KCNJ3: variants seen among roughly 807,000 people sequenced by gnomAD.
KCNJ3 encodes G protein-activated inward rectifier potassium channel 1.
KCNJ3 carries 4 observed loss-of-function variants against 39.2 expected under a neutral mutation model. The observed-to-expected ratio is 0.10, with a 90% CI of 0.05 to 0.23. The LOEUF (loss-of-function observed/expected upper bound fraction) is 0.23, where lower values mean the gene tolerates loss of function less well. Among genes scored for constraint, KCNJ3 ranks in the 10% least tolerant of loss-of-function variants. The pLI is 1.00. For missense variants in KCNJ3, 276 were observed against 634.9 expected, an observed-to-expected ratio of 0.43 and a Z score of 6.08; for synonymous variants, 230 against 237.4, an observed-to-expected ratio of 0.97 and a Z score of 0.29.
chr2:154,780,956 T>C (rs904552230), intron 2 of KCNJ3, among the ~76,000 whole-genome samples: 1 of 152,182 alleles, frequency 6.6e-6, no homozygotes, highest in Non-Finnish European at 1.5e-5. Context: ...CAGTTGCTAA[T>C]TAGCTGACTA....
intron 2 of KCNJ3, among the ~76,000 whole-genome samples, chr2:154,782,536 A>G (rs1194060444): frequency 4.3e-5 from 3 of 69,832 alleles, no homozygotes; most frequent in Non-Finnish European, 1.0e-4. Context: ...ACACACACAC[A>G]CACATACACG....
At chr2:154,779,657 C>T (rs193224694) in intron 2 of KCNJ3, among the ~76,000 whole-genome samples, 203 of 151,498 alleles carry the variant, frequency 1.3e-3, no homozygotes, top group Non-Finnish European at 2.0e-3. Context: ...GATTCTCCTT[C>T]CTCAGCCTCC....
At chr2:154,804,790 G>A (rs916707974) in intron 2 of KCNJ3, among the ~76,000 whole-genome samples, 2 of 152,134 alleles carry the variant, frequency 1.3e-5, no homozygotes, top group Non-Finnish European at 2.9e-5. Flanking sequence ...CCAAAGCTGA[G>A]TTCCCAACTG....
intron 2 of KCNJ3, among the ~76,000 whole-genome samples, chr2:154,750,996 TATA>T (rs1286770523): frequency 6.6e-6 from 1 of 151,928 alleles, no homozygotes; most frequent in African/African-American, 2.4e-5. Flanking sequence ...TATATTGCTT[TATA>T]ATAATAACTT....
At chr2:154,839,192 C>T (rs375823404) in intron 2 of KCNJ3, among the ~76,000 whole-genome samples, 1 of 152,092 alleles carries the variant, frequency 6.6e-6, no homozygotes, top group African/African-American at 2.4e-5. Flanking sequence ...TGAGAACATG[C>T]GGTGTTTGGT....
chr2:154,816,746 T>C (rs571862972), intron 2 of KCNJ3, among the ~76,000 whole-genome samples: 2 of 152,312 alleles, frequency 1.3e-5, no homozygotes, highest in African/African-American at 4.8e-5. Context: ...TATGTAAGCC[T>C]TAGGAAAAAC....
intron 2 of KCNJ3, among the ~76,000 whole-genome samples, chr2:154,832,258 TAAAA>T (rs901093641): frequency 6.6e-6 from 1 of 151,864 alleles, no homozygotes; most frequent in Admixed American, 6.6e-5. Context: ...TCAATTTAAT[TAAAA>T]AAAAGTATGA....
At chr2:154,814,223 C>T (rs1687045217) in intron 2 of KCNJ3, among the ~76,000 whole-genome samples, 2 of 152,284 alleles carry the variant, frequency 1.3e-5, no homozygotes, top group Middle Eastern at 3.4e-3. Context: ...AAGGTGACAG[C>T]TCTATTCCCA....
intron 2 of KCNJ3, among the ~76,000 whole-genome samples, chr2:154,791,854 C>T (rs2591157): frequency 0.73 from 111,093 of 151,892 alleles, 41,509 homozygotes; most frequent in African/African-American, 0.89. Flanking sequence ...CATTTACTCA[C>T]TCAAGAAAAA....
At chr2:154,708,480 C>A (rs1685050035) in intron 1 of KCNJ3, among the ~76,000 whole-genome samples, 2 of 152,086 alleles carry the variant, frequency 1.3e-5, no homozygotes, top group African/African-American at 4.8e-5. Flanking sequence ...TTTGTTATTA[C>A]ATTTGTTTTA....
chr2:154,716,342 G>T (rs2105156734), intron 2 of KCNJ3, among the ~76,000 whole-genome samples: 1 of 147,282 alleles, frequency 6.8e-6, no homozygotes, highest in African/African-American at 2.5e-5. Context: ...CGCCAGGATG[G>T]TCTTGATCTC....
chr2:154,781,113 G>A (rs1182753827), intron 2 of KCNJ3, among the ~76,000 whole-genome samples: 1 of 152,110 alleles, frequency 6.6e-6, no homozygotes, highest in African/African-American at 2.4e-5. Flanking sequence ...ATGGAAGCAG[G>A]CCAGACTAAA....
intron 2 of KCNJ3, among the ~76,000 whole-genome samples, chr2:154,747,790 CTGT>C (rs1047746247): frequency 1.3e-5 from 2 of 151,978 alleles, no homozygotes; most frequent in African/African-American, 4.8e-5. Flanking sequence ...AGATAAAGGC[CTGT>C]TGTTTGATAG....
intron 2 of KCNJ3, among the ~76,000 whole-genome samples, chr2:154,800,711 T>C (rs1686804608): frequency 6.6e-6 from 1 of 152,226 alleles, no homozygotes; most frequent in South Asian, 2.1e-4. Context: ...TTCATTGATC[T>C]TGACACTTTT....
At chr2:154,724,448 A>G (rs1685315092) in intron 2 of KCNJ3, among the ~76,000 whole-genome samples, 1 of 152,144 alleles carries the variant, frequency 6.6e-6, no homozygotes, top group Admixed American at 6.5e-5. Flanking sequence ...TCAGGTAAAG[A>G]AAGGTATAGA....
intron 2 of KCNJ3, among the ~76,000 whole-genome samples, chr2:154,845,780 G>T (rs577773826): frequency 4.6e-4 from 70 of 152,188 alleles, no homozygotes; most frequent in African/African-American, 1.7e-3. Context: ...AGACCAGCCT[G>T]GTCAATATGG....
chr2:154,727,189 A>C (rs1453075453), intron 2 of KCNJ3, among the ~76,000 whole-genome samples: 1 of 152,090 alleles, frequency 6.6e-6, no homozygotes, highest in African/African-American at 2.4e-5. Context: ...AAAAACTTCT[A>C]TTTTACTAGT....
chr2:154,727,412 C>T (rs1685377146), intron 2 of KCNJ3, among the ~76,000 whole-genome samples: 1 of 150,742 alleles, frequency 6.6e-6, no homozygotes, highest in African/African-American at 2.4e-5. Context: ...ATGGAGAAAC[C>T]CCGTCTCTAC....
intron 2 of KCNJ3, among the ~76,000 whole-genome samples, chr2:154,760,155 A>T (rs1014302157): frequency 6.6e-6 from 1 of 152,190 alleles, no homozygotes; most frequent in Non-Finnish European, 1.5e-5. Flanking sequence ...GGTGTTATTA[A>T]ATCTTTAAAA....
Sources: gnomAD v4.1 joint callset for allele counts (sites outside exome capture counted in the v4.1 genomes callset) on GRCh38, gnomAD v4.1.1 for gene constraint, MANE v1.5 for transcripts, NCBI Gene and HGNC (gene_info 2026-07-23, HGNC 2026-07-21) for gene names.